KIF18A: variants seen among roughly 807,000 people sequenced by gnomAD.
The protein encoded by KIF18A is kinesin family member 18A.
In KIF18A, 67 loss-of-function variants were observed where a neutral mutation model predicts 103.3. The observed-to-expected ratio is 0.65, with a 90% CI of 0.53 to 0.79. The LOEUF (loss-of-function observed/expected upper bound fraction) is 0.79. KIF18A is among the 30% of genes least tolerant of loss of function. The pLI, the probability that KIF18A is intolerant of heterozygous loss-of-function variation, is 0.00. For synonymous variants in KIF18A, 367 were observed against 355.5 expected, an observed-to-expected ratio of 1.03 and a Z score of -0.36; for missense variants, 1,032 against 1,062.5, an observed-to-expected ratio of 0.97 and a Z score of 0.40.
chr11:28,023,395 A>G (rs55963710), intron 16 of KIF18A, among the ~76,000 whole-genome samples: 267 of 152,332 alleles, frequency 1.8e-3, no homozygotes, highest in African/African-American at 6.1e-3. Flanking sequence ...GGTATAGTTT[A>G]TCTGCAAAAT....
Position 28,091,402 on chromosome 11 carries a change from T to C in KIF18A, c.588+7A>G. ...TCTAACAGGGAAAAAGATGTTTATATACATACCTGGTGTAAAGTAAGTCCA... is the reference window on the plus strand; with the variant it reads ...TCTAACAGGGAAAAAGATGTTTATACACATACCTGGTGTAAAGTAAGTCCA... On this transcript the variant is annotated splice_region_variant and intron_variant, in intron 4 of 16. Transcript: ENST00000263181. The C allele has an allele frequency of 2.0e-6, 3 of 1,467,148 alleles. No homozygotes were observed. The highest frequency in any genetic ancestry group is 2.3e-5 in the East Asian group (1 of 44,010). The allele number at this position is 1,467,148 out of a possible 1,614,324, so 90.9% of individuals were successfully genotyped here. A position where few individuals can be genotyped will look rare whatever the true frequency, so the allele number is the denominator to read the frequency against.
In KIF18A at chr11:28,036,502, A is replaced by G; in HGVS notation, c.2111T>C (p.Val704Ala). ...TTTTCTACAGTCTTCTGGTGTATAT[A>G]CAATAGGCTGAAGTTCTTTGCTAAG... ...DSLSKELQPI[V>A]YTPEDCRKAF... Residue 704 changes from valine (V) to alanine (A), a missense_variant, in exon 14 of 17, where the codon GTA becomes GCA. Physicochemically the swap from Val to Ala is moderately conservative, Grantham distance 64. Coordinates refer to ENST00000263181, the MANE Select transcript of KIF18A (RefSeq NM_031217.4). The G allele has an allele frequency of 6.2e-7, 1 of 1,611,334 alleles. No individual in the cohort carries two copies. Among genetic ancestry groups the G allele is most frequent in the Non-Finnish European group, 8.5e-7 (1 of 1,178,276 alleles).
At chr11:28,090,828 A>G (rs1851291036) in intron 4 of KIF18A, 101 bp from the exon 5 acceptor site, 8 of 644,654 alleles carry the variant, frequency 1.2e-5, no homozygotes, top group Admixed American at 2.8e-5. Context: ...GGTAAAAGAA[A>G]ATGTTTTCTA....
intron 11 of KIF18A, among the ~76,000 whole-genome samples, chr11:28,067,665 T>C (rs1040901125): frequency 2.0e-5 from 3 of 152,180 alleles, no homozygotes; most frequent in African/African-American, 7.2e-5. Flanking sequence ...GGTGCCTTTC[T>C]AGGAATTCAA....
At chr11:28,044,105 A>C (rs1423749144) in intron 13 of KIF18A, among the ~76,000 whole-genome samples, 1 of 151,956 alleles carries the variant, frequency 6.6e-6, no homozygotes, top group Admixed American at 6.6e-5. Context: ...CCCTTACCCC[A>C]TTACCATCAC....
chr11:28,062,686 T>C (rs1373357926), intron 11 of KIF18A, among the ~76,000 whole-genome samples, 170 bp from the exon 12 acceptor site: 2 of 152,122 alleles, frequency 1.3e-5, no homozygotes, highest in Non-Finnish European at 2.9e-5. Flanking sequence ...GTCTATAATT[T>C]ACAAGCAAGA....
chr11:28,071,041 C>T (rs1436157021), intron 10 of KIF18A, among the ~76,000 whole-genome samples: 2 of 152,088 alleles, frequency 1.3e-5, no homozygotes, highest in African/African-American at 4.8e-5. Context: ...TGCACTCTAG[C>T]CTAGGCAACA....
chr11:28,073,325 C>T (rs2133542821), intron 10 of KIF18A, among the ~76,000 whole-genome samples: 2 of 152,116 alleles, frequency 1.3e-5, no homozygotes, highest in Middle Eastern at 6.8e-3. Flanking sequence ...GAGCAAGTCA[C>T]ATTTGTTGGA....
intron 12 of KIF18A, among the ~76,000 whole-genome samples, chr11:28,060,130 G>GT (rs1206686170): frequency 3.3e-5 from 5 of 152,150 alleles, no homozygotes; most frequent in African/African-American, 1.2e-4. Flanking sequence ...AGACCTCTGT[G>GT]TAAGTGTTCA....
intron 15 of KIF18A, among the ~76,000 whole-genome samples, chr11:28,027,641 A>G (rs1590659491): frequency 6.6e-6 from 1 of 152,018 alleles, no homozygotes; most frequent in African/African-American, 2.4e-5. Context: ...CTACCAGTCT[A>G]TCTTTCAGAA....
intron 13 of KIF18A, among the ~76,000 whole-genome samples, chr11:28,047,056 G>GAAAAAAAAAAAAAAA (rs60204007): frequency 2.8e-5 from 2 of 71,128 alleles, no homozygotes; most frequent in East Asian, 4.2e-4. Context: ...CTTCGTCTCA[G>GAAAAAAAAAAAAAAA]AAAAAAAAAA....
chr11:28,088,594 A>G lies in KIF18A; in HGVS notation c.827T>C (p.Val276Ala). 6.2e-7 allele frequency: 1 copy of G among 1,614,064 alleles called. No homozygotes were observed. ...STSGAKGTRF[V>A]EGTNINRSLL... Reference sequence around the variant, plus strand: ...TGATCTATTAATATTTGTGCCTTCTACAAATCGGGTCCCCTTAGCACCGGA... The same window carrying G: ...TGATCTATTAATATTTGTGCCTTCTGCAAATCGGGTCCCCTTAGCACCGGA... Residue 276 changes from valine (V) to alanine (A), a missense_variant, in exon 6 of 17, where the codon GTA becomes GCA. Val to Ala is a moderately conservative substitution (Grantham distance 64, BLOSUM62 0). Transcript: ENST00000263181.
At chr11:28,040,167 CAAAT>C (rs1850540688) in intron 13 of KIF18A, among the ~76,000 whole-genome samples, 1 of 151,648 alleles carries the variant, frequency 6.6e-6, no homozygotes, top group African/African-American at 2.4e-5. Context: ...AATTACATAA[CAAAT>C]AATTATTATC....
At chr11:28,106,393 C>G (rs948376590) in intron 1 of KIF18A, among the ~76,000 whole-genome samples, 4 of 152,004 alleles carry the variant, frequency 2.6e-5, no homozygotes, top group African/African-American at 9.7e-5. Flanking sequence ...ACACTATCAT[C>G]TACAGTCCAT....
At chr11:28,056,193 C>T (rs902852695) in intron 13 of KIF18A, among the ~76,000 whole-genome samples, 1 of 149,922 alleles carries the variant, frequency 6.7e-6, no homozygotes. Context: ...TGGTTGAATC[C>T]ATGGATGCAG....
intron 13 of KIF18A, among the ~76,000 whole-genome samples, chr11:28,050,307 A>C (rs959245124): frequency 3.9e-5 from 6 of 151,902 alleles, no homozygotes; most frequent in African/African-American, 1.4e-4. Flanking sequence ...GTCAAACAAA[A>C]TGTATTTAGG....
intron 10 of KIF18A, among the ~76,000 whole-genome samples, chr11:28,070,972 C>T (rs1270730412): frequency 6.6e-6 from 1 of 152,212 alleles, no homozygotes; most frequent in Non-Finnish European, 1.5e-5. Flanking sequence ...GGGAGCATCA[C>T]TTGAGTCCGG....
intron 6 of KIF18A, among the ~76,000 whole-genome samples, chr11:28,087,132 G>A (rs1244910028): frequency 1.3e-5 from 2 of 152,080 alleles, no homozygotes; most frequent in Non-Finnish European, 2.9e-5. Context: ...GAACGTGCAG[G>A]TTTCTTACAT....
intron 15 of KIF18A, 64 bp downstream of exon 15, chr11:28,035,323 C>T: frequency 2.7e-6 from 2 of 750,004 alleles, no homozygotes. Flanking sequence ...AAAGCAATAG[C>T]ATATAATATA....
Sources: gnomAD v4.1 joint callset for allele counts (sites outside exome capture counted in the v4.1 genomes callset) on GRCh38, gnomAD v4.1.1 for gene constraint, MANE v1.5 for transcripts, NCBI Gene and HGNC (gene_info 2026-07-23, HGNC 2026-07-21) for gene names.